PSPC1: variants seen among roughly 807,000 people sequenced by gnomAD.
The protein encoded by PSPC1 is paraspeckle protein 1.
In PSPC1, 14 loss-of-function variants were observed where a neutral mutation model predicts 51.6. The observed-to-expected ratio is 0.27, with a 90% CI of 0.18 to 0.42. The LOEUF (loss-of-function observed/expected upper bound fraction) is 0.42, where lower values mean the gene tolerates loss of function less well. Among genes scored for constraint, PSPC1 ranks in the 10% least tolerant of loss-of-function variants. The pLI is 1.00. For missense variants in PSPC1, 406 were observed against 701.1 expected, an observed-to-expected ratio of 0.58 and a Z score of 4.75; for synonymous variants, 193 against 231.9, an observed-to-expected ratio of 0.83 and a Z score of 1.53.
chr13:19,774,672 G>A (rs1888920575), intron 1 of PSPC1, among the ~76,000 whole-genome samples: 1 of 151,844 alleles, frequency 6.6e-6, no homozygotes, highest in South Asian at 2.1e-4. Flanking sequence ...GGGCATGGTG[G>A]TAAGCGCCTG....
At chr13:19,689,637 G>A (rs1878326488) in intron 6 of PSPC1, among the ~76,000 whole-genome samples, 1 of 152,172 alleles carries the variant, frequency 6.6e-6, no homozygotes, top group African/African-American at 2.4e-5. Flanking sequence ...CAGGTCCCCA[G>A]ACTTGGTGGC....
chr13:19,674,418 T>A, downstream of PSPC1, among the ~76,000 whole-genome samples: 1 of 152,246 alleles, frequency 6.6e-6, no homozygotes, highest in East Asian at 1.9e-4. Context: ...CTCAGTAGAA[T>A]GATCAGGAGA....
intron 6 of PSPC1, among the ~76,000 whole-genome samples, chr13:19,695,048 T>C (rs929294326): frequency 6.6e-6 from 1 of 152,232 alleles, no homozygotes; most frequent in Admixed American, 6.5e-5. Context: ...GAAGTCAGTA[T>C]GTAACTAAGA....
chr13:19,717,526 T>C (rs1391452108), intron 6 of PSPC1, among the ~76,000 whole-genome samples: 3 of 151,220 alleles, frequency 2.0e-5, no homozygotes, highest in Non-Finnish European at 4.4e-5. Flanking sequence ...GTCAACATGG[T>C]GAAACCCATC....
rs1021022519 is a variant in PSPC1, at chr13:19,677,591, C to G, written c.*76+133G>C. The G allele has an allele frequency of 3.2e-5, 11 of 344,538 alleles. No individual in the cohort carries two copies. In the East Asian group the frequency reaches 7.4e-4, roughly 23 times the overall value. 21.3% of individuals were successfully genotyped at this position (344,538 alleles called of 1,614,324 possible). A position where few individuals can be genotyped will look rare whatever the true frequency, so the allele number is the denominator to read the frequency against. ...ACTGTTCATAAATATTCTACTGACT[C>G]AAAACACTGGGACCATTACATATCT... On this transcript the variant is annotated intron_variant and NMD_transcript_variant, in intron 7 of 7. Coordinates refer to the PSPC1 transcript ENST00000471658.
At chr13:19,677,765 T>C (rs757411579) in exon 7 of PSPC1, 5 of 483,042 alleles carry the variant, frequency 1.0e-5, no homozygotes, top group East Asian at 1.1e-4. Flanking sequence ...TCTTAACTCT[T>C]CTGAATTACA....
intron 4 of PSPC1, among the ~76,000 whole-genome samples, chr13:19,751,029 A>G (rs1203213681): frequency 6.6e-6 from 1 of 151,994 alleles, no homozygotes; most frequent in Non-Finnish European, 1.5e-5. Context: ...TTGGCCCCCC[A>G]AAGTGCTGGG....
At chr13:19,768,517 T>A (rs1593760399) in intron 2 of PSPC1, among the ~76,000 whole-genome samples, 1 of 150,020 alleles carries the variant, frequency 6.7e-6, no homozygotes, top group African/African-American at 2.5e-5. Flanking sequence ...ACATGGTGGC[T>A]GGCGCCTGTA....
At position 19,782,901 on chromosome 13, in the gene PSPC1, T is replaced by A; in HGVS notation, c.-144A>T. The A allele has an allele frequency of 1.1e-6, 1 of 920,082 alleles. No individual in the cohort carries two copies. The highest frequency in any genetic ancestry group is 1.5e-6 in the Non-Finnish European group (1 of 672,144). The allele number at this position is 920,082 out of a possible 1,614,324, so 57.0% of individuals were successfully genotyped here. A position where few individuals can be genotyped will look rare whatever the true frequency, so the allele number is the denominator to read the frequency against. ...GCTAGGTAGGCGAGTCGGCAACCCGTCCTCCCCCAACTCACGCCCGCTGCA... is the reference window on the plus strand; with the variant it reads ...GCTAGGTAGGCGAGTCGGCAACCCGACCTCCCCCAACTCACGCCCGCTGCA... On this transcript the variant is annotated 5_prime_UTR_variant, in exon 1 of 9. Transcript: ENST00000338910. This position sits in a 1 kb window ranked among gnomAD's most constrained non-coding sequence, Gnocchi z 4.5.
intron 3 of PSPC1, among the ~76,000 whole-genome samples, chr13:19,758,257 G>A (rs1379094766): frequency 2.6e-5 from 4 of 151,832 alleles, no homozygotes. Flanking sequence ...AGCTTGCAGT[G>A]AGCCGAGATC....
chr13:19,738,679 G>A lies in PSPC1; in HGVS notation c.1052+2886C>T, dbSNP rs531861578. On this transcript the variant is annotated intron_variant, in intron 5 of 8. Transcript: ENST00000338910. ...TCCCAGCACTTTGGGAGGCTGAGGCGGGAGGATCACAAGGTCACGAGTTCG... is the reference window on the plus strand; with the variant it reads ...TCCCAGCACTTTGGGAGGCTGAGGCAGGAGGATCACAAGGTCACGAGTTCG... Among the ~76,000 whole-genome samples the A allele has an allele frequency of 2.0e-4, 30 of 152,082 alleles. 1 individual carries two copies. The East Asian group carries it at 5.4e-3, about 28-fold the overall frequency.
chr13:19,772,919 TGA>T (rs1888750502), intron 1 of PSPC1, among the ~76,000 whole-genome samples: 1 of 152,112 alleles, frequency 6.6e-6, no homozygotes. Flanking sequence ...CCCAGCACTT[TGA>T]GAGGCTGAGG....
rs7996849 is a variant in PSPC1, at chr13:19,766,038, A to G, written c.674+6204T>C. ...AGGAAAAGTACAAAATTATTTTTGT[A>G]CTCTTCTGCACAGGAAAAGTGTGCA... On this transcript the variant is annotated intron_variant, in intron 2 of 8. Transcript: ENST00000338910. Among the ~76,000 whole-genome samples, 333 of 152,286 alleles carry G rather than the reference A, an allele frequency of 2.2e-3. 1 individual carries two copies. The highest frequency in any genetic ancestry group is 5.9e-3 in the African/African-American group (247 of 41,560).
intron 5 of PSPC1, among the ~76,000 whole-genome samples, chr13:19,735,861 A>G (rs187406903): frequency 1.2e-3 from 181 of 151,852 alleles, no homozygotes; most frequent in Middle Eastern, 6.8e-3. Context: ...CCCCTCTGTC[A>G]CCCAGGCTGG....
chr13:19,732,210 T>C (rs929363882), intron 5 of PSPC1, among the ~76,000 whole-genome samples: 1 of 152,178 alleles, frequency 6.6e-6, no homozygotes, highest in Non-Finnish European at 1.5e-5. Context: ...TTACTCTCTA[T>C]ACAACTCTTA....
intron 3 of PSPC1, among the ~76,000 whole-genome samples, chr13:19,758,044 G>C (rs1593729868): frequency 6.6e-6 from 1 of 152,108 alleles, no homozygotes; most frequent in East Asian, 1.9e-4. Context: ...GCTGGGTGCG[G>C]TGGCTCACGC....
chr13:19,706,475 C>T (rs527644302), intron 7 of PSPC1, among the ~76,000 whole-genome samples: 26 of 151,652 alleles, frequency 1.7e-4, no homozygotes, highest in South Asian at 2.1e-4. Flanking sequence ...TAAAAGCAAC[C>T]GCAACCAAAT....
rs1593590258 is a variant in PSPC1 at position 19,711,299 on chromosome 13, C to G, written c.1159-1700G>C. On this transcript the variant is annotated intron_variant, in intron 6 of 8. Transcript: ENST00000338910. ...CTTTGGGAGGCTGAGGCAGGCAGAT[C>G]ATCTGAGGTCAGGAGTTCAAGACCA... Among the ~76,000 whole-genome samples, 3 of 151,910 alleles carry G rather than the reference C, an allele frequency of 2.0e-5. No individual in the cohort carries two copies. The East Asian group carries it at 5.9e-4, about 30-fold the overall frequency.
intron 6 of PSPC1, among the ~76,000 whole-genome samples, chr13:19,723,600 G>A (rs75685452): frequency 0.013 from 1,915 of 152,230 alleles, 19 homozygotes; most frequent in Non-Finnish European, 0.021. Flanking sequence ...ATAATCTTTG[G>A]AGGAGTGATC....
Sources: gnomAD v4.1 joint callset for allele counts (sites outside exome capture counted in the v4.1 genomes callset) on GRCh38, gnomAD v4.1.1 for gene constraint, Gnocchi (gnomAD v3.1) non-coding constraint, MANE v1.5 for transcripts, NCBI Gene and HGNC (gene_info 2026-07-23, HGNC 2026-07-21) for gene names.